TNFRSF19: variants seen among roughly 807,000 people sequenced by gnomAD.
TNFRSF19 encodes the protein TNF receptor superfamily member 19, also known as tumor necrosis factor receptor superfamily member 19.
Under a neutral mutation model 46.4 loss-of-function variants are expected in TNFRSF19, and 27 were observed. The observed-to-expected ratio is 0.58, with a 90% CI of 0.43 to 0.80. The LOEUF (loss-of-function observed/expected upper bound fraction) is 0.80, where lower values mean the gene tolerates loss of function less well. Ranked by LOEUF, TNFRSF19 falls within the 30% of genes least tolerant of loss-of-function variation. TNFRSF19 has a pLI of 0.00. For synonymous variants in TNFRSF19, 204 were observed against 205.0 expected, an observed-to-expected ratio of 1.00 and a Z score of 0.04; for missense variants, 511 against 530.8, an observed-to-expected ratio of 0.96 and a Z score of 0.37.
intron 5 of TNFRSF19, among the ~76,000 whole-genome samples, chr13:23,654,480 C>T (rs1883848005): frequency 6.6e-6 from 1 of 152,106 alleles, no homozygotes; most frequent in South Asian, 2.1e-4. Flanking sequence ...AGGCGGAGGA[C>T]CCCGAACATC....
chr13:23,597,652 G>A (rs557226132), intron 3 of TNFRSF19, among the ~76,000 whole-genome samples: 4 of 152,144 alleles, frequency 2.6e-5, no homozygotes, highest in South Asian at 2.1e-4. Context: ...ATTCACAGCC[G>A]AATTCTACCA....
intron 9 of TNFRSF19, among the ~76,000 whole-genome samples, chr13:23,670,310 T>C (rs1031531176): frequency 1.1e-4 from 16 of 152,198 alleles, no homozygotes; most frequent in African/African-American, 3.9e-4. Flanking sequence ...TCTTCCCACC[T>C]TGTTTGCTTT....
Position 23,626,613 on chromosome 13 carries a change from G to T in TNFRSF19, c.360-94G>T. The T allele has an allele frequency of 8.4e-6, 10 of 1,184,306 alleles. No homozygotes were observed. The South Asian group carries it at 1.4e-4, about 16-fold the overall frequency. The allele number at this position is 1,184,306 out of a possible 1,614,324, so 73.4% of individuals were successfully genotyped here. A position where few individuals can be genotyped will look rare whatever the true frequency, so the allele number is the denominator to read the frequency against. On this transcript the variant is annotated intron_variant, in intron 4 of 9. Coordinates refer to ENST00000248484, the MANE Select transcript of TNFRSF19 (RefSeq NM_148957.4). ...TTTAAGCCTCTGTGTACTTTTAACC[G>T]TAGAACTGGTAATGGAGACTGCTGG...
chr13:23,615,035 G>A (rs1182629293), intron 3 of TNFRSF19, among the ~76,000 whole-genome samples: 1 of 152,096 alleles, frequency 6.6e-6, no homozygotes, highest in Non-Finnish European at 1.5e-5. Context: ...GAATGTTTTT[G>A]TAAACAATGG....
At chr13:23,583,035 A>G (rs764366445) in intron 1 of TNFRSF19, among the ~76,000 whole-genome samples, 3 of 152,202 alleles carry the variant, frequency 2.0e-5, no homozygotes, top group Non-Finnish European at 4.4e-5. Flanking sequence ...TTCATGTGCA[A>G]CTTTTTGTAT....
At chr13:23,639,413 T>A (rs976111885) in intron 5 of TNFRSF19, among the ~76,000 whole-genome samples, 2 of 152,070 alleles carry the variant, frequency 1.3e-5, no homozygotes, top group African/African-American at 2.4e-5. Context: ...TTAAAAAAAA[T>A]TTAAATTCAT....
intron 3 of TNFRSF19, among the ~76,000 whole-genome samples, chr13:23,609,483 C>G (rs1880744923): frequency 6.6e-6 from 1 of 152,148 alleles, no homozygotes; most frequent in African/African-American, 2.4e-5. Context: ...CAGCCCCAGC[C>G]CATCCTCCTC....
chr13:23,603,363 G>A (rs943879120), intron 3 of TNFRSF19, among the ~76,000 whole-genome samples: 2 of 151,978 alleles, frequency 1.3e-5, no homozygotes, highest in Non-Finnish European at 2.9e-5. Context: ...AGAGCACCAA[G>A]TTAAAGTGAA....
chr13:23,600,071 C>A (rs1040901410), intron 3 of TNFRSF19, among the ~76,000 whole-genome samples: 1 of 152,118 alleles, frequency 6.6e-6, no homozygotes, highest in Admixed American at 6.5e-5. Context: ...TTATATTCAT[C>A]CTTTGAATCT....
In TNFRSF19 at chr13:23,674,506, TC is replaced by T. The variant is rs1480269992; in HGVS notation, c.*1128del. ...AGCACATCATCTCCTACTTTAGCCATCCGGTGTTGGATTTAAGAGGACGGTG... is the reference window on the plus strand; with the variant it reads ...AGCACATCATCTCCTACTTTAGCCATCGGTGTTGGATTTAAGAGGACGGTG... On this transcript the variant is annotated 3_prime_UTR_variant, in exon 10 of 10. Coordinates refer to ENST00000248484, the MANE Select transcript of TNFRSF19 (RefSeq NM_148957.4). The T allele has an allele frequency of 6.6e-6, 1 of 152,216 alleles. No homozygotes were observed. Among genetic ancestry groups the T allele is most frequent in the Non-Finnish European group, 1.5e-5 (1 of 68,038 alleles). 9.4% of individuals were successfully genotyped at this position (152,216 alleles called of 1,614,324 possible).
intron 5 of TNFRSF19, among the ~76,000 whole-genome samples, chr13:23,650,767 T>C (rs1047712643): frequency 6.6e-6 from 1 of 152,236 alleles, no homozygotes; most frequent in Non-Finnish European, 1.5e-5. Flanking sequence ...AAAATGTAGT[T>C]ATGGATATAA....
chr13:23,608,193 A>G (rs547507484), intron 3 of TNFRSF19, among the ~76,000 whole-genome samples: 1 of 152,282 alleles, frequency 6.6e-6, no homozygotes, highest in South Asian at 2.1e-4. Flanking sequence ...TAGATTGATG[A>G]TACCCTTCTC....
chr13:23,615,761 C>T lies in TNFRSF19; in HGVS notation c.181-106C>T, dbSNP rs1377545690. 9.1e-6 allele frequency: 11 copies of T among 1,212,390 alleles called. No homozygotes were observed. The East Asian group carries it at 1.5e-4, about 17-fold the overall frequency. 75.1% of individuals were successfully genotyped at this position (1,212,390 alleles called of 1,614,324 possible). A position where few individuals can be genotyped will look rare whatever the true frequency, so the allele number is the denominator to read the frequency against. On this transcript the variant is annotated intron_variant, in intron 3 of 9. Transcript: ENST00000248484. ...GAGCTGCCTTTGTGTCTAGGAAGGC[C>T]GACACTTGGTAATTATTAGACCAGG...
chr13:23,666,738 A>G (rs1043561996), intron 7 of TNFRSF19, among the ~76,000 whole-genome samples: 5 of 152,142 alleles, frequency 3.3e-5, no homozygotes, highest in Non-Finnish European at 7.4e-5. Context: ...AGCGGCAGTA[A>G]ACCCTGGCGA....
intron 7 of TNFRSF19, among the ~76,000 whole-genome samples, chr13:23,664,078 T>G (rs1297698548): frequency 6.6e-6 from 1 of 152,140 alleles, no homozygotes; most frequent in Non-Finnish European, 1.5e-5. Flanking sequence ...CTCAAATTCT[T>G]TCTGTTGTAA....
intron 7 of TNFRSF19, among the ~76,000 whole-genome samples, chr13:23,661,324 G>A (rs753252866): frequency 1.3e-5 from 2 of 152,134 alleles, no homozygotes; most frequent in Non-Finnish European, 2.9e-5. Context: ...TTAGTTTACT[G>A]AGGTAATGGC....
chr13:23,614,488 G>C (rs999675816), intron 3 of TNFRSF19, among the ~76,000 whole-genome samples: 1 of 152,106 alleles, frequency 6.6e-6, no homozygotes, highest in Non-Finnish European at 1.5e-5. Flanking sequence ...TGTTGAACTA[G>C]GTGGGACTTG....
Position 23,615,891 on chromosome 13 carries a change from G to A in TNFRSF19, c.205G>A (p.Asp69Asn). Residue 69 changes from aspartate to asparagine, a missense_variant, in exon 4 of 10, where the codon GAT becomes AAT. Transcript: ENST00000248484. ...GGAATGTGGCTTCGGCTATGGGGAG[G>A]ATGCACAGTGTGTGACGTGCCGGCT... ...SKECGFGYGEDAQCVTCRLHR... is the reference protein window; with the variant it reads ...SKECGFGYGENAQCVTCRLHR... The A allele has an allele frequency of 6.2e-7, 1 of 1,611,520 alleles. No individual in the cohort carries two copies. Among genetic ancestry groups the A allele is most frequent in the African/African-American group, 1.3e-5 (1 of 74,962 alleles).
At chr13:23,655,743 C>T (rs1356576612) in intron 5 of TNFRSF19, among the ~76,000 whole-genome samples, 1 of 151,402 alleles carries the variant, frequency 6.6e-6, no homozygotes, top group East Asian at 1.9e-4. Flanking sequence ...AATCTGCCCC[C>T]CCCCCTTATT....
Sources: gnomAD v4.1 joint callset for allele counts (sites outside exome capture counted in the v4.1 genomes callset) on GRCh38, gnomAD v4.1.1 for gene constraint, MANE v1.5 for transcripts, NCBI Gene and HGNC (gene_info 2026-07-23, HGNC 2026-07-21) for gene names.